Variants in EHMT1 observed in about 807,000 individuals in gnomAD.
The protein encoded by EHMT1 is histone-lysine N-methyltransferase EHMT1.
Under a neutral mutation model 147.2 loss-of-function variants are expected in EHMT1, and 15 were observed. That is an observed-to-expected ratio of 0.10 (90% CI 0.07 to 0.16). The LOEUF (loss-of-function observed/expected upper bound fraction) is 0.16. Ranked by LOEUF, EHMT1 falls within the 10% of genes least tolerant of loss-of-function variation. The pLI, the probability that EHMT1 is intolerant of heterozygous loss-of-function variation, is 1.00. For missense variants in EHMT1, 1,587 were observed against 1,772.4 expected (o/e 0.90, Z 1.88); for synonymous variants, 795 against 709.6 (o/e 1.12, Z -1.91).
Position 137,705,774 on chromosome 9 carries a change from T to C in EHMT1, c.22-5193T>C, listed in dbSNP as rs73568124. On this transcript the variant is annotated intron_variant, in intron 1 of 26. Coordinates refer to ENST00000460843, the MANE Select transcript of EHMT1 (RefSeq NM_024757.5). ...GGCACTGCACTCAGTCTCTTGTTGC[T>C]GTGAGGTTGGGGGATGGCCCTAGAG... Among the ~76,000 whole-genome samples, 586 of 152,282 alleles carry C rather than the reference T, an allele frequency of 3.8e-3. 1 individual carries two copies. The highest frequency in any genetic ancestry group is 0.014 in the African/African-American group (568 of 41,584).
intron 1 of EHMT1, among the ~76,000 whole-genome samples, chr9:137,671,382 G>T (rs971346834): frequency 4.6e-5 from 7 of 151,814 alleles, no homozygotes; most frequent in Non-Finnish European, 8.8e-5. Flanking sequence ...TCATTTATAT[G>T]TAACAATTCA....
intron 8 of EHMT1, among the ~76,000 whole-genome samples, chr9:137,754,518 A>T (rs995226311): frequency 2.0e-5 from 3 of 147,422 alleles, no homozygotes; most frequent in East Asian, 2.0e-4. Flanking sequence ...TTTTAATTTA[A>T]TTTTTTTTTT....
intron 1 of EHMT1, among the ~76,000 whole-genome samples, chr9:137,632,143 A>G (rs991194276): frequency 6.6e-6 from 1 of 152,224 alleles, no homozygotes; most frequent in Non-Finnish European, 1.5e-5. Context: ...CTGATGACGC[A>G]TATCTCCGAA....
At chr9:137,702,880 TCTC>T (rs1045585136) in intron 1 of EHMT1, among the ~76,000 whole-genome samples, 27 of 152,296 alleles carry the variant, frequency 1.8e-4, no homozygotes, top group Admixed American at 1.4e-3. Flanking sequence ...TTCAAGCAAT[TCTC>T]CTGCCTCAGC....
intron 9 of EHMT1, among the ~76,000 whole-genome samples, chr9:137,760,002 T>C (rs1329505946): frequency 1.3e-5 from 2 of 152,160 alleles, no homozygotes; most frequent in Non-Finnish European, 2.9e-5. Context: ...TATGCATTCG[T>C]CTCTTTCCCC....
chr9:137,628,884 GT>G (rs1478112750), intron 1 of EHMT1, among the ~76,000 whole-genome samples: 2 of 152,150 alleles, frequency 1.3e-5, no homozygotes, highest in Non-Finnish European at 2.9e-5. Flanking sequence ...AGCTGTGTAG[GT>G]TTGACCACAT....
intron 10 of EHMT1, 186 bp downstream of exon 10, chr9:137,763,006 G>C: frequency 1.4e-6 from 1 of 734,826 alleles, no homozygotes; most frequent in Non-Finnish European, 2.3e-6. Flanking sequence ...ATGAAACACA[G>C]GTCTAGAGCT....
At chr9:137,687,909 C>T (rs931006381) in intron 1 of EHMT1, among the ~76,000 whole-genome samples, 2 of 152,256 alleles carry the variant, frequency 1.3e-5, no homozygotes, top group Admixed American at 1.3e-4. Flanking sequence ...GATCCTTCAA[C>T]ATGGGGCGTC....
At chr9:137,808,676 TG>T (rs147011444) in intron 18 of EHMT1, among the ~76,000 whole-genome samples, 17,726 of 58,418 alleles carry the variant, frequency 0.3, 3,831 homozygotes, top group African/African-American at 0.59. Flanking sequence ...GGGCGGGGGG[TG>T]GGGGGGGCGC....
At chr9:137,743,241 C>T (rs1314522838) in intron 4 of EHMT1, 130 bp from the exon 5 acceptor site, 2 of 1,141,064 alleles carry the variant, frequency 1.8e-6, no homozygotes, top group African/African-American at 3.1e-5. Flanking sequence ...GGGCAGTGGG[C>T]CTGTTGTGAT....
chr9:137,815,093 G>A (rs1954815029), intron 22 of EHMT1, among the ~76,000 whole-genome samples: 1 of 152,134 alleles, frequency 6.6e-6, no homozygotes, highest in Admixed American at 6.5e-5. Context: ...GAGTTCAGAG[G>A]TCACGGTGGG....
intron 1 of EHMT1, among the ~76,000 whole-genome samples, chr9:137,685,088 G>C (rs1008465739): frequency 6.6e-6 from 1 of 151,954 alleles, no homozygotes; most frequent in African/African-American, 2.4e-5. Flanking sequence ...TTGTGATAAA[G>C]TATACTTAAC....
intron 1 of EHMT1, among the ~76,000 whole-genome samples, chr9:137,652,046 C>T (rs1274835572): frequency 6.6e-6 from 1 of 152,092 alleles, no homozygotes. Context: ...AGAGTGTACT[C>T]CTACTTATTT....
At position 137,741,343 on chromosome 9, in the gene EHMT1, C is replaced by T. The variant is rs377429604; in HGVS notation, c.824-2028C>T. On this transcript the variant is annotated intron_variant, in intron 4 of 26. Transcript: ENST00000460843. Reference sequence around the variant, plus strand: ...TTTGTCCTCACTCAGCCATTCATTACAGGAGTCAGCAAACTGTTTCCAGGG... The same window carrying T: ...TTTGTCCTCACTCAGCCATTCATTATAGGAGTCAGCAAACTGTTTCCAGGG... Among the ~76,000 whole-genome samples, 14 of 150,638 alleles carry T rather than the reference C, an allele frequency of 9.3e-5. 1 individual carries two copies. Among genetic ancestry groups the T allele is most frequent in the Admixed American group, 4.0e-4 (6 of 15,178 alleles).
intron 1 of EHMT1, among the ~76,000 whole-genome samples, chr9:137,650,554 G>A (rs1331244837): frequency 6.6e-6 from 1 of 151,882 alleles, no homozygotes; most frequent in African/African-American, 2.4e-5. Context: ...TTGTAGAAAT[G>A]CCTGTTTATA....
chr9:137,763,157 C>G, intron 10 of EHMT1: 1 of 515,778 alleles, frequency 1.9e-6, no homozygotes, highest in Non-Finnish European at 3.5e-6. Flanking sequence ...ATAGTCACAC[C>G]AAGGTGAGTC....
chr9:137,652,213 T>A (rs1278880565), intron 1 of EHMT1, among the ~76,000 whole-genome samples: 1 of 152,126 alleles, frequency 6.6e-6, no homozygotes, highest in African/African-American at 2.4e-5. Flanking sequence ...ATACGGATGA[T>A]CCTGACTCTG....
chr9:137,747,809 C>G (rs1302362492), intron 6 of EHMT1: 1 of 151,828 alleles, frequency 6.6e-6, no homozygotes, highest in Admixed American at 6.6e-5. Context: ...GCCCACTGAC[C>G]TCCCATCCCC....
chr9:137,773,852 T>C (rs1323087328), intron 10 of EHMT1, among the ~76,000 whole-genome samples: 5 of 152,180 alleles, frequency 3.3e-5, no homozygotes. Context: ...TGCCACTCAA[T>C]TATTTGCTTA....
Sources: allele counts gnomAD v4.1 joint callset (sites outside exome capture counted in the v4.1 genomes callset), GRCh38; gene constraint gnomAD v4.1.1; transcripts MANE v1.5; gene names NCBI Gene and HGNC (gene_info 2026-07-23, HGNC 2026-07-21).